DYNLT1: variants seen among roughly 807,000 people sequenced by gnomAD.
DYNLT1 encodes dynein light chain Tctex-type 1, also known as T-complex testis-specific protein 1 homolog.
DYNLT1 carries 18 observed loss-of-function variants against 19.6 expected under a neutral mutation model. The ratio of observed to expected loss-of-function variants is 0.92; its 90% CI spans 0.64 to 1.36. DYNLT1 has a LOEUF of 1.36. Ranked by LOEUF, DYNLT1 falls within the 40% of genes most tolerant of loss-of-function variation. DYNLT1 has a pLI of 0.00. For missense variants in DYNLT1, 137 were observed against 139.3 expected (o/e 0.98, Z 0.08); for synonymous variants, 56 against 44.0 (o/e 1.27, Z -1.07).
At chr6:158,644,612 G>GCAGGACCGCGTGTCCTTCCGCGGC in intron 1 of DYNLT1, 70 bp downstream of exon 1, 1 of 1,590,602 alleles carries the variant, frequency 6.3e-7, no homozygotes, top group Non-Finnish European at 8.6e-7. Context: ...GCCTTTCCGG[G>GCAGGACCGCGTGTCCTTCCGCGGC]CAGGACCGCG....
At position 158,636,619 on chromosome 6, in the gene DYNLT1, G is replaced by C. The variant is rs1583071247; in HGVS notation, c.*208C>G. The C allele has an allele frequency of 7.5e-6, 4 of 532,350 alleles. No individual in the cohort carries two copies. The highest frequency in any genetic ancestry group is 7.4e-5 in the South Asian group (3 of 40,468). 33.0% of individuals were successfully genotyped at this position (532,350 alleles called of 1,614,324 possible). On this transcript the variant is annotated 3_prime_UTR_variant, in exon 5 of 5. Coordinates refer to ENST00000367089, the MANE Select transcript of DYNLT1 (RefSeq NM_006519.4). ...AATGAAATATTCAGAGTTAAGACAAGTGGCAACGCAGGCTGCAGGTGACCT... is the reference window on the plus strand; with the variant it reads ...AATGAAATATTCAGAGTTAAGACAACTGGCAACGCAGGCTGCAGGTGACCT...
At chr6:158,642,448 G>A (rs1787156284) in intron 1 of DYNLT1, 1 of 152,198 alleles carries the variant, frequency 6.6e-6, no homozygotes, top group Admixed American at 6.5e-5. Flanking sequence ...CCTTCGAGAG[G>A]GCAACCCCTG....
rs1238756575 is a variant in DYNLT1 at position 158,636,755 on chromosome 6, A to G, written c.*72T>C. On this transcript the variant is annotated 3_prime_UTR_variant, in exon 5 of 5. Transcript: ENST00000367089. The stretch of plus-strand genomic sequence containing the variant: ...AACAAAGAGAATGAGAAAAGAGTTC[A>G]CTGAATTCATGGCTGGTGGTTAGAG... The G allele has an allele frequency of 6.1e-6, 9 of 1,481,204 alleles. No homozygotes were observed. The East Asian group carries it at 2.2e-4, about 36-fold the overall frequency. The allele number at this position is 1,481,204 out of a possible 1,614,324, so 91.8% of individuals were successfully genotyped here. A position where few individuals can be genotyped will look rare whatever the true frequency, so the allele number is the denominator to read the frequency against.
At chr6:158,644,050 G>A (rs1166015061) in intron 1 of DYNLT1, among the ~76,000 whole-genome samples, 3 of 142,652 alleles carry the variant, frequency 2.1e-5, no homozygotes, top group African/African-American at 7.5e-5. Flanking sequence ...ACTTCCTCAA[G>A]GAGGCATAAA....
intron 3 of DYNLT1, 65 bp downstream of exon 3, chr6:158,637,706 G>A (rs752997251): frequency 5.6e-6 from 9 of 1,613,010 alleles, no homozygotes; most frequent in Non-Finnish European, 7.6e-6. Flanking sequence ...TTCTGGTACT[G>A]GATGCCCCTC....
chr6:158,641,177 T>C, intron 2 of DYNLT1, 142 bp downstream of exon 2: 3 of 644,496 alleles, frequency 4.7e-6, no homozygotes, highest in Non-Finnish European at 7.7e-6. Context: ...CTTATCTAGC[T>C]ATTTACTGAA....
At chr6:158,637,620 G>A (rs910668549) in intron 3 of DYNLT1, 151 bp downstream of exon 3, 30 of 1,185,910 alleles carry the variant, frequency 2.5e-5, no homozygotes, top group East Asian at 1.2e-4. Flanking sequence ...ATGGTCAAGC[G>A]TACGCTAACG....
chr6:158,637,177 T>C lies in DYNLT1; in HGVS notation c.222A>G (p.Gly74=), dbSNP rs1306270425. The change falls in exon 4 of 5, where the codon GGA becomes GGG. Residue 74 remains glycine (G), a synonymous_variant. Coordinates refer to ENST00000367089, the MANE Select transcript of DYNLT1 (RefSeq NM_006519.4). ...AGGAACTTGCTGTGTGTAATCCAGCTCCATTCTTCTGCATAATTACACAGG... is the reference window on the plus strand; with the variant it reads ...AGGAACTTGCTGTGTGTAATCCAGCCCCATTCTTCTGCATAATTACACAGG... ...IVTCVIMQKN[G]AGLHTASSCF... is the part of the protein sequence containing the mutation. The C allele has an allele frequency of 4.3e-6, 7 of 1,614,120 alleles. No homozygotes were observed. In the Admixed American group the frequency reaches 1.0e-4, roughly 23 times the overall value.
intron 1 of DYNLT1, 47 bp downstream of exon 1, chr6:158,644,635 G>A: frequency 1.2e-6 from 2 of 1,608,772 alleles, no homozygotes; most frequent in Non-Finnish European, 1.7e-6. Context: ...TCCTTCCGCG[G>A]CCAGGGCTCT....
At chr6:158,637,281 G>T in intron 3 of DYNLT1, 76 bp from the exon 4 acceptor site, 2 of 1,346,252 alleles carry the variant, frequency 1.5e-6, no homozygotes, top group Non-Finnish European at 2.1e-6. Context: ...TTTAGCAAAC[G>T]TACAATGTAT....
At position 158,636,500 on chromosome 6, in the gene DYNLT1, AAAAGTAT is replaced by A. The variant is rs1786997238; in HGVS notation, c.*320_*326del. Reference sequence around the variant, plus strand: ...TTAGATTTGAATAATTTATTCTAACAAAAGTATAAAGTATGGAAAATTAGTGTATTTG... The same window carrying A: ...TTAGATTTGAATAATTTATTCTAACAAAAGTATGGAAAATTAGTGTATTTG... On this transcript the variant is annotated 3_prime_UTR_variant, in exon 5 of 5. Transcript: ENST00000367089. The A allele has an allele frequency of 3.6e-6, 1 of 280,500 alleles. No individual in the cohort carries two copies. The highest frequency in any genetic ancestry group is 2.2e-5 in the African/African-American group (1 of 46,084). The allele number at this position is 280,500 out of a possible 1,614,324, so 17.4% of individuals were successfully genotyped here.
intron 2 of DYNLT1, among the ~76,000 whole-genome samples, chr6:158,639,913 T>C (rs1469509347): frequency 6.6e-6 from 1 of 152,178 alleles, no homozygotes; most frequent in East Asian, 1.9e-4. Flanking sequence ...TCTCTTGACC[T>C]CATGATCCGC....
chr6:158,642,445 G>C (rs967972928), intron 1 of DYNLT1: 2 of 152,274 alleles, frequency 1.3e-5, no homozygotes, highest in African/African-American at 4.8e-5. Context: ...ACGCCTTCGA[G>C]AGGGCAACCC....
At chr6:158,643,217 A>G (rs1787187027) in intron 1 of DYNLT1, among the ~76,000 whole-genome samples, 3 of 152,220 alleles carry the variant, frequency 2.0e-5, no homozygotes, top group Non-Finnish European at 2.9e-5. Context: ...GTTTTACTCG[A>G]TATTACTGTA....
intron 2 of DYNLT1, among the ~76,000 whole-genome samples, chr6:158,638,541 C>T (rs1298050379): frequency 8.8e-6 from 1 of 113,038 alleles, no homozygotes; most frequent in Non-Finnish European, 2.1e-5. Flanking sequence ...CCTCCCACCT[C>T]AGCTTCCCTC....
At chr6:158,637,718 G>C (rs199990530) in intron 3 of DYNLT1, 53 bp downstream of exon 3, 6 of 1,613,590 alleles carry the variant, frequency 3.7e-6, no homozygotes, top group Non-Finnish European at 5.1e-6. Context: ...ATGCCCCTCT[G>C]ATCAGTGTTA....
intron 1 of DYNLT1, chr6:158,642,118 T>C (rs1054284526): frequency 4.6e-5 from 7 of 152,238 alleles, no homozygotes; most frequent in Non-Finnish European, 8.8e-5. Context: ...GCACCATTAC[T>C]TGTAAAATGT....
chr6:158,641,322 T>C lies in DYNLT1; in HGVS notation c.66A>G (p.Lys22=). The C allele has an allele frequency of 6.3e-7, 1 of 1,595,110 alleles. No individual in the cohort carries two copies. Among genetic ancestry groups the C allele is most frequent in the Non-Finnish European group, 8.5e-7 (1 of 1,173,856 alleles). Residue 22 remains lysine (K), a synonymous_variant, in exon 2 of 5, where the codon AAA becomes AAG. Transcript: ENST00000367089. ...FVVDEVSNIV[K]EAIESAIGGN... The stretch of plus-strand genomic sequence containing the variant: ...AAGTGAGCATTTCTCCTCTTACCTC[T>C]TTTACAATGTTGCTCACTTCATCAA...
intron 2 of DYNLT1, 126 bp downstream of exon 2, chr6:158,641,193 A>C (rs1787127055): frequency 1.7e-5 from 13 of 787,872 alleles, no homozygotes; most frequent in Non-Finnish European, 2.3e-5. Context: ...CTGAAGTAAA[A>C]ACTGTTATTT....
Sources: gnomAD v4.1 joint callset for allele counts (sites outside exome capture counted in the v4.1 genomes callset) on GRCh38, gnomAD v4.1.1 for gene constraint, MANE v1.5 for transcripts, NCBI Gene and HGNC (gene_info 2026-07-23, HGNC 2026-07-21) for gene names.